TMOD1: variants seen among roughly 807,000 people sequenced by gnomAD.
The protein encoded by TMOD1 is tropomodulin-1.
Under a neutral mutation model 40.6 loss-of-function variants are expected in TMOD1, and 17 were observed. That is an observed-to-expected ratio of 0.42 (90% CI 0.29 to 0.63). The LOEUF (loss-of-function observed/expected upper bound fraction) is 0.63. Among genes scored for constraint, TMOD1 ranks in the 20% least tolerant of loss-of-function variants. TMOD1 has a pLI of 0.22. For synonymous variants in TMOD1, 181 were observed against 175.0 expected (o/e 1.03, Z -0.27); for missense variants, 391 against 447.6 (o/e 0.87, Z 1.14).
At chr9:97,592,731 TACAC>T (rs201709649) in intron 9 of TMOD1, among the ~76,000 whole-genome samples, 11 of 151,596 alleles carry the variant, frequency 7.3e-5, no homozygotes, top group East Asian at 1.9e-4. Flanking sequence ...ACCACAGGAT[TACAC>T]ACACACACAC....
chr9:97,504,769 G>A (rs905251874), intron 1 of TMOD1, among the ~76,000 whole-genome samples: 7 of 152,126 alleles, frequency 4.6e-5, no homozygotes, highest in East Asian at 1.9e-4. Flanking sequence ...ATCATCTATC[G>A]ATGACTCCTG....
chr9:97,581,126 C>A (rs943798081), intron 8 of TMOD1, among the ~76,000 whole-genome samples: 11 of 142,974 alleles, frequency 7.7e-5, no homozygotes, highest in African/African-American at 2.6e-4. Flanking sequence ...GTATATCTCC[C>A]GATGCTATCC....
In TMOD1 at chr9:97,524,202, G is replaced by A. The variant is rs141454774; in HGVS notation, c.14G>A (p.Arg5Gln). 1,709 of 1,614,030 alleles carry A rather than the reference G, an allele frequency of 1.1e-3. 3 individuals carry two copies. Among genetic ancestry groups the A allele is most frequent in the Non-Finnish European group, 1.3e-3 (1,522 of 1,179,946 alleles). The change falls in exon 2 of 10, where the codon CGA becomes CAA. Residue 5 changes from arginine (R) to glutamine (Q), a missense_variant. Physicochemically the swap from Arg to Gln is conservative, Grantham distance 43. Transcript: ENST00000259365. Reference sequence around the variant, plus strand: ...AGTTCTTCCACGATGTCGTACAGACGAGAACTAGAGAAATACCGTGACCTG... The same window carrying A: ...AGTTCTTCCACGATGTCGTACAGACAAGAACTAGAGAAATACCGTGACCTG... MSYR[R>Q]ELEKYRDLDE...
chr9:97,519,289 G>A (rs549992507), intron 1 of TMOD1, among the ~76,000 whole-genome samples: 1 of 152,318 alleles, frequency 6.6e-6, no homozygotes, highest in African/African-American at 2.4e-5. Context: ...AACCTGCCGA[G>A]TGCTACTTCC....
At chr9:97,571,356 C>A (rs1475544) in intron 8 of TMOD1, among the ~76,000 whole-genome samples, 33,005 of 152,154 alleles carry the variant, frequency 0.22, 3,876 homozygotes, top group East Asian at 0.47. Context: ...AGCTGAATAC[C>A]CTGGTTCAAA....
chr9:97,556,842 C>T (rs563154379), intron 4 of TMOD1, among the ~76,000 whole-genome samples: 3 of 152,116 alleles, frequency 2.0e-5, no homozygotes, highest in Admixed American at 1.3e-4. Flanking sequence ...TGAGAAAGTG[C>T]GGAGAAGGTC....
chr9:97,569,084 G>T, intron 8 of TMOD1, 47 bp downstream of exon 8: 1 of 1,602,864 alleles, frequency 6.2e-7, no homozygotes, highest in Non-Finnish European at 8.5e-7. Flanking sequence ...CATGCAGCTC[G>T]CTGGCCTGCA....
intron 2 of TMOD1, among the ~76,000 whole-genome samples, chr9:97,532,603 G>C (rs1327937160): frequency 6.6e-6 from 1 of 151,388 alleles, no homozygotes; most frequent in Non-Finnish European, 1.5e-5. Flanking sequence ...TGCCTTATTT[G>C]GTTCTGATCA....
At position 97,557,136 on chromosome 9, in the gene TMOD1, C is replaced by T. The variant is rs929843110; in HGVS notation, c.397+3736C>T. 4.6e-5 allele frequency among the ~76,000 whole-genome samples: 7 copies of T among 152,108 alleles called. No individual in the cohort carries two copies. The highest frequency in any genetic ancestry group is 7.4e-5 in the Non-Finnish European group (5 of 68,014). On this transcript the variant is annotated intron_variant, in intron 4 of 9. Coordinates refer to ENST00000259365, the MANE Select transcript of TMOD1 (RefSeq NM_003275.4). The surrounding 1 kb of genome is among the most constrained non-coding windows in gnomAD (Gnocchi z 4.4). The stretch of plus-strand genomic sequence containing the variant: ...CCCAGGAGGTGATGAGGAGGACAGA[C>T]GAGAAACATGTATTTTTTTTTTAAC...
At chr9:97,553,626 A>C (rs1830485926) in intron 4 of TMOD1, among the ~76,000 whole-genome samples, 1 of 152,210 alleles carries the variant, frequency 6.6e-6, no homozygotes, top group African/African-American at 2.4e-5. Context: ...TGCTGTTGCC[A>C]TGAGACCCCA....
At chr9:97,584,870 C>T (rs1825836379) in intron 8 of TMOD1, among the ~76,000 whole-genome samples, 2 of 152,170 alleles carry the variant, frequency 1.3e-5, no homozygotes, top group African/African-American at 4.8e-5. Context: ...GATCTTCCTC[C>T]ATCCTTTTAT....
At chr9:97,501,569 G>C (rs1283126693), upstream of TMOD1, 2 of 149,856 alleles carry the variant, frequency 1.3e-5, no homozygotes, top group Admixed American at 1.3e-4. Flanking sequence ...GGAGGGAGCC[G>C]GCGGCGGGCG....
intron 1 of TMOD1, chr9:97,514,009 G>A (rs1170482648): frequency 6.6e-6 from 1 of 152,310 alleles, no homozygotes. Flanking sequence ...GGTGCACAGA[G>A]CCCTGCTTTC....
chr9:97,527,084 T>C (rs1830026366), intron 2 of TMOD1, among the ~76,000 whole-genome samples: 1 of 152,134 alleles, frequency 6.6e-6, no homozygotes, highest in Admixed American at 6.5e-5. Flanking sequence ...GAAAGAGCCT[T>C]GCATTTCTCT....
intron 6 of TMOD1, among the ~76,000 whole-genome samples, chr9:97,565,254 T>C (rs1347844980): frequency 2.0e-5 from 3 of 152,152 alleles, no homozygotes. Context: ...CCTGAGAAGA[T>C]TAAAAAATAT....
intron 4 of TMOD1, among the ~76,000 whole-genome samples, chr9:97,562,128 A>C (rs572109940): frequency 7.9e-4 from 120 of 152,160 alleles, no homozygotes; most frequent in Non-Finnish European, 1.1e-3. Context: ...GGATGAAAGA[A>C]TGGCTGAGCA....
At chr9:97,571,699 G>A (rs756835891) in intron 8 of TMOD1, among the ~76,000 whole-genome samples, 6 of 152,250 alleles carry the variant, frequency 3.9e-5, no homozygotes, top group Non-Finnish European at 5.9e-5. Context: ...CAAGAAGCAA[G>A]AGGGGCAAGA....
chr9:97,587,558 T>C (rs1374287705), intron 8 of TMOD1, among the ~76,000 whole-genome samples: 1 of 126,306 alleles, frequency 7.9e-6, no homozygotes, highest in African/African-American at 2.8e-5. Flanking sequence ...CCCCGTTTTC[T>C]AATTGTTTGT....
intron 1 of TMOD1, among the ~76,000 whole-genome samples, chr9:97,505,405 G>A (rs1373309782): frequency 6.6e-6 from 1 of 152,150 alleles, no homozygotes. Flanking sequence ...CTTCAAGGGT[G>A]GTGACCCCAG....
Sources: gnomAD v4.1 joint callset for allele counts (sites outside exome capture counted in the v4.1 genomes callset) on GRCh38, gnomAD v4.1.1 for gene constraint, Gnocchi (gnomAD v3.1) non-coding constraint, MANE v1.5 for transcripts, NCBI Gene and HGNC (gene_info 2026-07-23, HGNC 2026-07-21) for gene names.